P2RX4: variants seen among roughly 807,000 people sequenced by gnomAD.
P2RX4 encodes the protein P2X purinoceptor 4.
A neutral mutation model predicts 48.0 loss-of-function variants in P2RX4; 37 were observed. The observed-to-expected ratio is 0.77, with a 90% CI of 0.59 to 1.01. The LOEUF (loss-of-function observed/expected upper bound fraction) is 1.01, where lower values mean the gene tolerates loss of function less well. Ranked by LOEUF, P2RX4 falls within the 50% of genes least tolerant of loss-of-function variation. The pLI is 0.00. For missense variants in P2RX4, 501 were observed against 521.4 expected (o/e 0.96, Z 0.38); for synonymous variants, 200 against 199.7 (o/e 1.00, Z -0.01).
Position 121,233,089 on chromosome 12 carries a change from G to A in P2RX4, c.1137G>A (p.Glu379=). 6.2e-7 allele frequency: 1 copy of A among 1,606,654 alleles called. No individual in the cohort carries two copies. The highest frequency in any genetic ancestry group is 8.5e-7 in the Non-Finnish European group (1 of 1,173,626). The change falls in exon 11 of 12, where the codon GAG becomes GAA. Residue 379 remains glutamate, a synonymous_variant. Transcript: ENST00000337233. ...AATATAAATATGTGGAAGATTACGA[G>A]CAGGTAGGCCCCTCCTGGCCCCCAG... ...EKKYKYVEDY[E]QGLASELDQ
At chr12:121,222,851 G>A in intron 4 of P2RX4, 96 bp from the exon 5 acceptor site, 1 of 1,431,566 alleles carries the variant, frequency 7.0e-7, no homozygotes, top group Non-Finnish European at 9.6e-7. Flanking sequence ...TGGCTGCATG[G>A]GAGGCTGGAT....
rs1382082443 is a variant in P2RX4 at position 121,229,396 on chromosome 12, C to G, written c.884+297C>G. 6.6e-6 allele frequency among the ~76,000 whole-genome samples: 1 copy of G among 152,206 alleles called. No homozygotes were observed. Among genetic ancestry groups the G allele is most frequent in the Non-Finnish European group, 1.5e-5 (1 of 68,042 alleles). On this transcript the variant is annotated intron_variant, in intron 8 of 11. Transcript: ENST00000337233. The surrounding 1 kb of genome is among the most constrained non-coding windows in gnomAD (Gnocchi z 4.6). ...GGGGCTTAAGCTTTCCAGCACCTGC[C>G]TCAGCCATGACCTCCATTCACTGCC...
Position 121,228,540 on chromosome 12 carries a change from T to C in P2RX4, c.532T>C (p.Phe178Leu), listed in dbSNP as rs1887138409. Residue 178 changes from phenylalanine to leucine, a missense_variant, in exon 6 of 12, where the codon TTT (phenylalanine) becomes CTT (leucine). This residue lies in a region of P2RX4 where 295 missense variants were observed against 275.3 expected (regional missense o/e 1.07). Transcript: ENST00000337233. ...GTTATCATTGTTTTTCAGACCTGCT[T>C]TTTTAAAGGCTGCAGAAAACTTCAC... ...EDDTHVPQPA[F>L]LKAAENFTLL... 1.2e-6 allele frequency: 2 copies of C among 1,611,826 alleles called. No individual in the cohort carries two copies. Among genetic ancestry groups the C allele is most frequent in the Non-Finnish European group, 1.7e-6 (2 of 1,179,138 alleles).
intron 5 of P2RX4, among the ~76,000 whole-genome samples, chr12:121,224,004 C>A (rs545225094): frequency 7.9e-5 from 12 of 152,312 alleles, no homozygotes; most frequent in African/African-American, 2.9e-4. Flanking sequence ...GCACTTACAG[C>A]CCCCCAAGTC....
intron 5 of P2RX4, among the ~76,000 whole-genome samples, chr12:121,226,803 G>T (rs1465186105): frequency 6.6e-6 from 1 of 151,852 alleles, no homozygotes; most frequent in Non-Finnish European, 1.5e-5. Context: ...CCTCTTGAGG[G>T]AGTGGGGACT....
At chr12:121,222,043 G>C in intron 3 of P2RX4, 51 bp from the exon 4 acceptor site, 1 of 1,597,700 alleles carries the variant, frequency 6.3e-7, no homozygotes, top group Non-Finnish European at 8.6e-7. Context: ...CTGTCCACCT[G>C]TGTGTGGGGC....
chr12:121,226,883 T>C (rs1887010529), intron 5 of P2RX4, among the ~76,000 whole-genome samples: 1 of 151,792 alleles, frequency 6.6e-6, no homozygotes, highest in Non-Finnish European at 1.5e-5. Flanking sequence ...GAGACCGAGG[T>C]GGGTGGATCA....
At chr12:121,218,247 G>C (rs1593203717) in intron 2 of P2RX4, among the ~76,000 whole-genome samples, 1 of 152,142 alleles carries the variant, frequency 6.6e-6, no homozygotes, top group Admixed American at 6.5e-5. Flanking sequence ...CAGCACTTTG[G>C]GAGGCCGAGG....
intron 5 of P2RX4, among the ~76,000 whole-genome samples, chr12:121,226,517 C>T (rs574870435): frequency 5.5e-4 from 84 of 152,038 alleles, no homozygotes; most frequent in African/African-American, 2.0e-3. Context: ...CGCTCCAGCC[C>T]GGGTGACAGA....
intron 11 of P2RX4, 59 bp from the exon 12 acceptor site, chr12:121,233,464 T>A: frequency 1.3e-6 from 2 of 1,565,998 alleles, no homozygotes; most frequent in Non-Finnish European, 1.7e-6. Context: ...CGCACCTCCC[T>A]CCCGCCTGCC....
intron 8 of P2RX4, among the ~76,000 whole-genome samples, chr12:121,230,488 T>C (rs757248629): frequency 4.6e-5 from 7 of 152,240 alleles, no homozygotes; most frequent in Non-Finnish European, 8.8e-5. Flanking sequence ...ATCCGATCCA[T>C]ACGGGATCCT....
At chr12:121,224,733 C>G (rs1449851060) in intron 5 of P2RX4, among the ~76,000 whole-genome samples, 1 of 151,896 alleles carries the variant, frequency 6.6e-6, no homozygotes, top group East Asian at 1.9e-4. Flanking sequence ...GGAGTCCGGG[C>G]AGCGCTCTGA....
At chr12:121,231,861 T>C (rs762507128) in intron 8 of P2RX4, among the ~76,000 whole-genome samples, 11 of 151,926 alleles carry the variant, frequency 7.2e-5, no homozygotes, top group Non-Finnish European at 1.0e-4. Flanking sequence ...AAAAATTAGC[T>C]GGGCATGGTG....
In P2RX4 at chr12:121,222,097, C is replaced by A; in HGVS notation, c.358C>A (p.Pro120Thr). 6.2e-7 allele frequency: 1 copy of A among 1,613,504 alleles called. No individual in the cohort carries two copies. The highest frequency in any genetic ancestry group is 8.5e-7 in the Non-Finnish European group (1 of 1,179,390). Reference protein sequence around the residue: ...NQTQGLCPEIPDATTVCKSDA... With the variant: ...NQTQGLCPEITDATTVCKSDA... ...TTTTCGCTCCTTCTTTTTCCAGATT[C>A]CAGATGCGACCACTGTGTGTAAATC... Residue 120 changes from proline to threonine, a missense_variant, in exon 4 of 12, where the codon CCA becomes ACA. Around this residue, in one of 3 missense-constraint regions of P2RX4, gnomAD observed 295 missense variants for 275.3 expected, o/e 1.07. Transcript: ENST00000337233.
intron 1 of P2RX4, 34 bp downstream of exon 1, chr12:121,210,332 TG>T: frequency 6.8e-7 from 1 of 1,477,420 alleles, no homozygotes; most frequent in Non-Finnish European, 9.0e-7. Flanking sequence ...GCGCGGCGGG[TG>T]CTGCCCTCGC....
At chr12:121,212,824 A>ATATATATATATT (rs370835501) in intron 1 of P2RX4, 3 of 32,260 alleles carry the variant, frequency 9.3e-5, no homozygotes, top group African/African-American at 1.7e-4. Context: ...ATATATATAT[A>ATATATATATATT]TTTTTTTTTT....
chr12:121,222,398 G>GTTTTTTTTTTT, intron 4 of P2RX4: 3 of 425,544 alleles, frequency 7.0e-6, no homozygotes, highest in Admixed American at 4.1e-5. Flanking sequence ...GTTTTTTCTT[G>GTTTTTTTTTTT]TTTTTTTTTT....
chr12:121,210,540 G>A (rs1885763663), intron 1 of P2RX4, among the ~76,000 whole-genome samples: 1 of 152,202 alleles, frequency 6.6e-6, no homozygotes. Flanking sequence ...AGCACTTTGG[G>A]AGCCCGAGGC....
intron 11 of P2RX4, 125 bp from the exon 12 acceptor site, chr12:121,233,398 G>T: frequency 1.0e-6 from 1 of 978,912 alleles, no homozygotes; most frequent in Non-Finnish European, 1.6e-6. Context: ...AACAGGAAGG[G>T]TTGGGTTCCA....
Sources: gnomAD v4.1 joint callset for allele counts (sites outside exome capture counted in the v4.1 genomes callset) on GRCh38, gnomAD v4.1.1 for gene constraint, gnomAD v4.1.1 regional missense constraint, Gnocchi (gnomAD v3.1) non-coding constraint, MANE v1.5 for transcripts, NCBI Gene and HGNC (gene_info 2026-07-23, HGNC 2026-07-21) for gene names.